The following LRRTM4 variants were observed in gnomAD, a reference collection of about 807,000 sequenced individuals.
LRRTM4 encodes the protein leucine rich repeat transmembrane neuronal 4.
LRRTM4 carries 25 observed loss-of-function variants against 47.6 expected under a neutral mutation model. That is an observed-to-expected ratio of 0.53 (90% CI 0.38 to 0.73). The LOEUF (loss-of-function observed/expected upper bound fraction) is 0.73. Among genes scored for constraint, LRRTM4 ranks in the 30% least tolerant of loss-of-function variants. The probability of loss-of-function intolerance (pLI) is 0.00; values close to 1 mark genes in which losing one functional copy is unlikely to be tolerated. For synonymous variants in LRRTM4, 311 were observed against 269.5 expected (o/e 1.15, Z -1.51); for missense variants, 638 against 713.4 (o/e 0.89, Z 1.20).
intron 3 of LRRTM4, 134 bp downstream of exon 3, chr2:77,518,184 C>T (rs1005365639): frequency 1.5e-6 from 2 of 1,335,628 alleles, no homozygotes; most frequent in Admixed American, 3.4e-5. Context: ...ATTAAGTAAC[C>T]TTTCACACTG....
At chr2:76,825,674 A>G (rs1315979558) in intron 3 of LRRTM4, among the ~76,000 whole-genome samples, 7 of 151,660 alleles carry the variant, frequency 4.6e-5, no homozygotes, top group African/African-American at 1.7e-4. Context: ...AGAAAAAGGC[A>G]GAGCTAAAAA....
chr2:77,351,001 A>T (rs942179577), intron 3 of LRRTM4, among the ~76,000 whole-genome samples: 38 of 152,094 alleles, frequency 2.5e-4, no homozygotes, highest in African/African-American at 9.2e-4. Flanking sequence ...GTTTCTTTAA[A>T]TATTATTTTG....
chr2:76,947,369 CAA>C (rs1675356007), intron 3 of LRRTM4, among the ~76,000 whole-genome samples: 1 of 151,730 alleles, frequency 6.6e-6, no homozygotes, highest in Non-Finnish European at 1.5e-5. Flanking sequence ...TCTAGAAAAA[CAA>C]AGACAGTAAA....
intron 3 of LRRTM4, among the ~76,000 whole-genome samples, chr2:77,421,620 T>G (rs1010719580): frequency 6.6e-6 from 1 of 151,684 alleles, no homozygotes. Context: ...AGCAGGAGAA[T>G]GGCGTGAACC....
chr2:77,127,380 G>A (rs13400700), intron 3 of LRRTM4, among the ~76,000 whole-genome samples: 1,889 of 152,130 alleles, frequency 0.012, 47 homozygotes, highest in African/African-American at 0.043. Context: ...AAATTTAATT[G>A]CATAAATCAC....
intron 3 of LRRTM4, among the ~76,000 whole-genome samples, chr2:77,071,971 G>C (rs1044568239): frequency 4.6e-5 from 7 of 151,980 alleles, no homozygotes; most frequent in African/African-American, 1.7e-4. Context: ...TTTTTGACTT[G>C]GTAAGACTCT....
intron 3 of LRRTM4, among the ~76,000 whole-genome samples, chr2:76,810,023 T>G (rs1269461846): frequency 6.6e-6 from 1 of 152,198 alleles, no homozygotes; most frequent in Non-Finnish European, 1.5e-5. Context: ...CTTCATAGCA[T>G]GTATCACCAG....
At chr2:76,808,201 G>C (rs6712845) in intron 3 of LRRTM4, among the ~76,000 whole-genome samples, 12,555 of 151,656 alleles carry the variant, frequency 0.083, 552 homozygotes, top group Middle Eastern at 0.14. Context: ...TGTATTTTTA[G>C]TAGAGACAGG....
chr2:77,365,179 C>T (rs944153533), intron 3 of LRRTM4, among the ~76,000 whole-genome samples: 2 of 151,954 alleles, frequency 1.3e-5, no homozygotes, highest in Admixed American at 6.6e-5. Context: ...TAAAAATAGC[C>T]TTAAGTGGAA....
intron 3 of LRRTM4, among the ~76,000 whole-genome samples, chr2:76,805,058 C>G (rs536831550): frequency 1.8e-4 from 28 of 152,128 alleles, no homozygotes; most frequent in Admixed American, 5.2e-4. Flanking sequence ...TGACAAAGCC[C>G]GTTCTTCTCA....
intron 3 of LRRTM4, among the ~76,000 whole-genome samples, chr2:77,053,509 AT>A (rs1425046014): frequency 6.6e-6 from 1 of 152,186 alleles, no homozygotes; most frequent in African/African-American, 2.4e-5. Context: ...AAAAGACTAC[AT>A]TTAAAGTTTG....
At chr2:77,291,380 C>T (rs965451512) in intron 3 of LRRTM4, among the ~76,000 whole-genome samples, 6 of 152,004 alleles carry the variant, frequency 3.9e-5, no homozygotes, top group African/African-American at 9.7e-5. Flanking sequence ...ATTTAAACTA[C>T]TTATTTCTCA....
intron 3 of LRRTM4, among the ~76,000 whole-genome samples, chr2:77,447,147 C>T (rs1273312257): frequency 6.7e-6 from 1 of 150,118 alleles, no homozygotes; most frequent in Non-Finnish European, 1.5e-5. Context: ...AGAAGCTTCA[C>T]ATCTTTCACC....
chr2:77,015,399 C>T (rs982436718), intron 3 of LRRTM4, among the ~76,000 whole-genome samples: 1 of 151,946 alleles, frequency 6.6e-6, no homozygotes, highest in African/African-American at 2.4e-5. Context: ...TGCAGTGGTG[C>T]GATCTTAGCT....
chr2:76,823,204 T>C (rs922867713), intron 3 of LRRTM4, among the ~76,000 whole-genome samples: 3 of 151,426 alleles, frequency 2.0e-5, no homozygotes, highest in Non-Finnish European at 4.4e-5. Context: ...TATTGTCAAA[T>C]TCAACTAATA....
chr2:77,350,206 G>T (rs1442206377), intron 3 of LRRTM4, among the ~76,000 whole-genome samples: 1 of 149,876 alleles, frequency 6.7e-6, no homozygotes, highest in Non-Finnish European at 1.5e-5. Flanking sequence ...GGCGCCTGTA[G>T]TCCCAGCTAC....
chr2:77,173,273 G>T (rs1231028954), intron 3 of LRRTM4, among the ~76,000 whole-genome samples: 1 of 152,126 alleles, frequency 6.6e-6, no homozygotes, highest in Non-Finnish European at 1.5e-5. Context: ...TTGAGTGAAT[G>T]AAAAATCAGT....
At chr2:76,971,191 A>T (rs1558769600) in intron 3 of LRRTM4, among the ~76,000 whole-genome samples, 1 of 151,982 alleles carries the variant, frequency 6.6e-6, no homozygotes, top group Non-Finnish European at 1.5e-5. Context: ...GATGTTTTTA[A>T]AGTCTGTTCT....
At chr2:76,863,430 G>A (rs1424688215) in intron 3 of LRRTM4, among the ~76,000 whole-genome samples, 1 of 152,148 alleles carries the variant, frequency 6.6e-6, no homozygotes, top group African/African-American at 2.4e-5. Flanking sequence ...CATGGGATGA[G>A]TATTTGAGTA....
Sources: allele counts gnomAD v4.1 joint callset (sites outside exome capture counted in the v4.1 genomes callset), GRCh38; gene constraint gnomAD v4.1.1; transcripts MANE v1.5; gene names NCBI Gene and HGNC (gene_info 2026-07-23, HGNC 2026-07-21).